NHSL3: variants seen among roughly 807,000 people sequenced by gnomAD.
NHSL3 encodes NHS-like protein 3.
chr1:32,762,434 T>A, the NHSL3 span, among the ~76,000 whole-genome samples: 1 of 78,386 alleles, frequency 1.3e-5, no homozygotes, highest in Admixed American at 2.4e-4. Context: ...AGGGGAATCT[T>A]TTTTTTTTTT....
chr1:32,773,163 A>G, the NHSL3 span: 1 of 530,556 alleles, frequency 1.9e-6, no homozygotes, highest in Non-Finnish European at 3.4e-6. Flanking sequence ...AGCTGGCGGG[A>G]GAGGGTGGCT....
the NHSL3 span, among the ~76,000 whole-genome samples, chr1:32,754,930 C>T: frequency 6.6e-6 from 1 of 152,166 alleles, no homozygotes; most frequent in South Asian, 2.1e-4. Context: ...GCCTCCCCCC[C>T]TCCCCCGTCC....
the NHSL3 span, among the ~76,000 whole-genome samples, chr1:32,760,295 C>T: frequency 3.9e-5 from 6 of 152,164 alleles, no homozygotes; most frequent in South Asian, 2.1e-4. Context: ...TGGCTGTGGG[C>T]GCGCCACCAC....
the NHSL3 span, among the ~76,000 whole-genome samples, chr1:32,746,309 A>G: frequency 6.6e-6 from 1 of 152,114 alleles, no homozygotes; most frequent in African/African-American, 2.4e-5. Flanking sequence ...CAGAAATATC[A>G]CCTGGACTCT....
the NHSL3 span, chr1:32,741,972 C>G: frequency 8.8e-7 from 1 of 1,139,746 alleles, no homozygotes; most frequent in African/African-American, 1.6e-5. The surrounding 1 kb of genome is among the most constrained non-coding windows in gnomAD (Gnocchi z 4.3). Flanking sequence ...CCCGCGCGCC[C>G]CCCGCCGCAC....
the NHSL3 span, among the ~76,000 whole-genome samples, chr1:32,757,480 A>G: frequency 6.6e-6 from 1 of 152,062 alleles, no homozygotes; most frequent in South Asian, 2.1e-4. Context: ...TGGCAGCTGC[A>G]GAGACACTTC....
At chr1:32,754,177 G>A in the NHSL3 span, 2 of 711,046 alleles carry the variant, frequency 2.8e-6, no homozygotes, top group East Asian at 2.7e-5. Context: ...GAAGCGGCCG[G>A]CAGGTAGGGG....
At chr1:32,742,370 C>T in the NHSL3 span, among the ~76,000 whole-genome samples, 1 of 152,340 alleles carries the variant, frequency 6.6e-6, no homozygotes, top group South Asian at 2.1e-4. Context: ...TCCGCAGTTT[C>T]CAGACCCAGT....
At chr1:32,767,987 T>G in the NHSL3 span, 1 of 1,611,300 alleles carries the variant, frequency 6.2e-7, no homozygotes, top group Non-Finnish European at 8.5e-7. Context: ...CCCTCCCCTC[T>G]CCTCCCTCCA....
chr1:32,752,857 G>A, the NHSL3 span, among the ~76,000 whole-genome samples: 1 of 149,124 alleles, frequency 6.7e-6, no homozygotes, highest in Non-Finnish European at 1.5e-5. Context: ...GGGATTACAG[G>A]TGTGAGCCAC....
chr1:32,763,868 C>G, the NHSL3 span, among the ~76,000 whole-genome samples: 1 of 152,026 alleles, frequency 6.6e-6, no homozygotes, highest in Non-Finnish European at 1.5e-5. Context: ...GCCACCGCGC[C>G]TGGCTGATTT....
the NHSL3 span, among the ~76,000 whole-genome samples, chr1:32,754,754 C>T: frequency 2.6e-5 from 4 of 152,154 alleles, no homozygotes; most frequent in Non-Finnish European, 5.9e-5. Flanking sequence ...CCCCAACAGG[C>T]TGAAGGCTGA....
At chr1:32,769,526 C>A in the NHSL3 span, 2 of 680,532 alleles carry the variant, frequency 2.9e-6, no homozygotes, top group Non-Finnish European at 2.6e-6. Flanking sequence ...AGAAAGAAGC[C>A]TCTAGCTTTG....
the NHSL3 span, among the ~76,000 whole-genome samples, chr1:32,755,644 G>A: frequency 6.6e-6 from 1 of 152,176 alleles, no homozygotes; most frequent in Non-Finnish European, 1.5e-5. Context: ...CGAGACTGAG[G>A]TCCAGGAAAG....
At chr1:32,770,448 C>T in the NHSL3 span, 1 of 1,607,070 alleles carries the variant, frequency 6.2e-7, no homozygotes. The surrounding 1 kb of genome is among the most constrained non-coding windows in gnomAD (Gnocchi z 8.3). Context: ...AATCCTCCGA[C>T]ACCATTGTGT....
At chr1:32,763,433 C>T in the NHSL3 span, among the ~76,000 whole-genome samples, 2 of 152,202 alleles carry the variant, frequency 1.3e-5, no homozygotes, top group African/African-American at 4.8e-5. Flanking sequence ...CTCTCTCTTC[C>T]TTGAAATCCA....
the NHSL3 span, among the ~76,000 whole-genome samples, chr1:32,747,126 G>A: frequency 6.6e-6 from 1 of 152,000 alleles, no homozygotes; most frequent in South Asian, 2.1e-4. Flanking sequence ...ATGACCTTGG[G>A]TAAGTCCTGC....
the NHSL3 span, chr1:32,771,578 C>T: frequency 6.2e-7 from 1 of 1,612,648 alleles, no homozygotes; most frequent in East Asian, 2.2e-5. Flanking sequence ...GTGGCCAGCC[C>T]TGAGCCTGCA....
chr1:32,752,345 AG>A, the NHSL3 span, among the ~76,000 whole-genome samples: 1 of 152,118 alleles, frequency 6.6e-6, no homozygotes, highest in African/African-American at 2.4e-5. Flanking sequence ...GGTATAGTGG[AG>A]GGGCTTGTTC....
Sources: gnomAD v4.1 joint callset for allele counts (sites outside exome capture counted in the v4.1 genomes callset) on GRCh38, gnomAD v4.1.1 for gene constraint, Gnocchi (gnomAD v3.1) non-coding constraint, MANE v1.5 for transcripts, NCBI Gene and HGNC (gene_info 2026-07-23, HGNC 2026-07-21) for gene names.